GABBR2: variants seen among roughly 807,000 people sequenced by gnomAD.
The protein encoded by GABBR2 is G-protein coupled receptor 51.
In GABBR2, 23 loss-of-function variants were observed where a neutral mutation model predicts 105.6. That is an observed-to-expected ratio of 0.22 (90% CI 0.16 to 0.31). The LOEUF is 0.31. GABBR2 is among the 10% of genes least tolerant of loss of function. GABBR2 has a pLI of 1.00. For missense variants in GABBR2, 734 were observed against 1,245.5 expected (o/e 0.59, Z 6.18); for synonymous variants, 478 against 499.7 (o/e 0.96, Z 0.58).
intron 2 of GABBR2, among the ~76,000 whole-genome samples, chr9:98,556,635 A>C (rs771422724): frequency 2.0e-5 from 3 of 152,218 alleles, no homozygotes; most frequent in African/African-American, 7.2e-5. Flanking sequence ...TAGAACACAC[A>C]GACCCAGCTC....
intron 1 of GABBR2, among the ~76,000 whole-genome samples, chr9:98,613,303 G>A (rs957420358): frequency 6.6e-6 from 1 of 152,180 alleles, no homozygotes; most frequent in African/African-American, 2.4e-5. Flanking sequence ...AGCCAGGCAT[G>A]GTGGTACACA....
chr9:98,549,464 C>T (rs1053072781), intron 2 of GABBR2, among the ~76,000 whole-genome samples: 1 of 152,288 alleles, frequency 6.6e-6, no homozygotes, highest in East Asian at 1.9e-4. Flanking sequence ...TCTGACTTAA[C>T]CAAATATGTG....
intron 1 of GABBR2, among the ~76,000 whole-genome samples, chr9:98,666,666 T>C (rs559677788): frequency 1.3e-5 from 2 of 152,182 alleles, no homozygotes; most frequent in Non-Finnish European, 2.9e-5. Flanking sequence ...AGCCACTGTG[T>C]CTGGCTTATT....
At chr9:98,618,558 T>C (rs1829623485) in intron 1 of GABBR2, among the ~76,000 whole-genome samples, 1 of 150,870 alleles carries the variant, frequency 6.6e-6, no homozygotes, top group African/African-American at 2.4e-5. Context: ...CTCTGAATAT[T>C]TCTGTCTATT....
chr9:98,680,171 TAAAAG>T (rs1242004117), intron 1 of GABBR2, among the ~76,000 whole-genome samples: 1 of 152,018 alleles, frequency 6.6e-6, no homozygotes, highest in Non-Finnish European at 1.5e-5. Context: ...CAGGTAAGAA[TAAAAG>T]AAAAGATGTA....
intron 7 of GABBR2, among the ~76,000 whole-genome samples, chr9:98,429,068 G>T (rs1825752220): frequency 6.6e-6 from 1 of 151,862 alleles, no homozygotes; most frequent in South Asian, 2.1e-4. Context: ...TTTATCACAT[G>T]GCAACCAGTT....
At chr9:98,652,595 C>T (rs955929725) in intron 1 of GABBR2, among the ~76,000 whole-genome samples, 3 of 152,206 alleles carry the variant, frequency 2.0e-5, no homozygotes, top group Admixed American at 6.5e-5. Context: ...CTCCCACACC[C>T]GCCTCTTCCC....
intron 13 of GABBR2, among the ~76,000 whole-genome samples, chr9:98,360,172 T>C (rs1831558098): frequency 1.3e-5 from 2 of 152,170 alleles, no homozygotes; most frequent in Non-Finnish European, 2.9e-5. Flanking sequence ...CTAGGCTTTC[T>C]GTTTGGAGAT....
At chr9:98,696,098 G>A (rs1165182597) in intron 1 of GABBR2, among the ~76,000 whole-genome samples, 2 of 152,212 alleles carry the variant, frequency 1.3e-5, no homozygotes, top group Admixed American at 6.5e-5. Context: ...TTGCGGCTGT[G>A]ATAAGCAGTA....
At chr9:98,318,485 TG>T (rs374876621) in intron 13 of GABBR2, among the ~76,000 whole-genome samples, 71 of 152,290 alleles carry the variant, frequency 4.7e-4, no homozygotes, top group African/African-American at 1.7e-3. Context: ...CATGTGCTTC[TG>T]TGTGTCCTGT....
intron 12 of GABBR2, 51 bp downstream of exon 12, chr9:98,371,413 A>G: frequency 2.0e-6 from 2 of 977,314 alleles, no homozygotes; most frequent in South Asian, 1.3e-5. Context: ...CTTGCTAGAT[A>G]AATGCTGGGT....
intron 13 of GABBR2, among the ~76,000 whole-genome samples, chr9:98,335,626 G>A (rs1033786883): frequency 2.0e-5 from 3 of 152,230 alleles, no homozygotes; most frequent in Non-Finnish European, 4.4e-5. Flanking sequence ...GATGTAGCAG[G>A]ATTGAGAACC....
At chr9:98,615,200 G>A (rs1249874955) in intron 1 of GABBR2, among the ~76,000 whole-genome samples, 2 of 152,140 alleles carry the variant, frequency 1.3e-5, no homozygotes, top group South Asian at 2.1e-4. Flanking sequence ...AGCAGGATGC[G>A]AGACACACTA....
intron 3 of GABBR2, among the ~76,000 whole-genome samples, chr9:98,537,165 A>T (rs1023024583): frequency 6.6e-6 from 1 of 152,140 alleles, no homozygotes; most frequent in African/African-American, 2.4e-5. Flanking sequence ...CAGGATTTTC[A>T]AAGCTCCCCA....
At chr9:98,405,194 TG>T (rs1245841157) in intron 8 of GABBR2, among the ~76,000 whole-genome samples, 1 of 152,152 alleles carries the variant, frequency 6.6e-6, no homozygotes, top group Non-Finnish European at 1.5e-5. Context: ...AACTGCCTAT[TG>T]GGCACATGGG....
At chr9:98,546,299 A>G (rs1175048982) in intron 2 of GABBR2, among the ~76,000 whole-genome samples, 2 of 152,208 alleles carry the variant, frequency 1.3e-5, no homozygotes, top group African/African-American at 2.4e-5. Context: ...TACTTGATCT[A>G]TCAAAGGCTG....
intron 2 of GABBR2, among the ~76,000 whole-genome samples, chr9:98,573,009 G>C (rs1828854272): frequency 6.6e-6 from 1 of 152,200 alleles, no homozygotes; most frequent in African/African-American, 2.4e-5. Context: ...TGGAGGTGGA[G>C]GCTGAGATTC....
At chr9:98,441,902 A>T (rs1443783829) in intron 7 of GABBR2, among the ~76,000 whole-genome samples, 1 of 152,194 alleles carries the variant, frequency 6.6e-6, no homozygotes, top group East Asian at 1.9e-4. Context: ...AATGTGAGGG[A>T]CCAAAATAAA....
At chr9:98,531,310 T>C (rs577867218) in intron 3 of GABBR2, among the ~76,000 whole-genome samples, 4 of 152,216 alleles carry the variant, frequency 2.6e-5, no homozygotes, top group African/African-American at 9.6e-5. Flanking sequence ...TGTGGAGTGT[T>C]ATGGGGGACC....
Sources: gnomAD v4.1 joint callset for allele counts (sites outside exome capture counted in the v4.1 genomes callset) on GRCh38, gnomAD v4.1.1 for gene constraint, MANE v1.5 for transcripts, NCBI Gene and HGNC (gene_info 2026-07-23, HGNC 2026-07-21) for gene names.